OC90: variants seen among roughly 807,000 people sequenced by gnomAD.
The protein encoded by OC90 is otoconin 90, also known as otoconin-90.
In OC90, 46 loss-of-function variants were observed where a neutral mutation model predicts 47.3. The observed-to-expected ratio is 0.97, with a 90% CI of 0.77 to 1.24. The LOEUF (loss-of-function observed/expected upper bound fraction) is 1.24, where lower values mean the gene tolerates loss of function less well. Ranked by LOEUF, OC90 falls within the 50% of genes most tolerant of loss-of-function variation. The probability of loss-of-function intolerance (pLI) is 0.00; values close to 1 mark genes in which losing one functional copy is unlikely to be tolerated. For synonymous variants in OC90, 271 were observed against 219.5 expected, an observed-to-expected ratio of 1.23 and a Z score of -2.07; for missense variants, 688 against 583.9, an observed-to-expected ratio of 1.18 and a Z score of -1.84.
intron 2 of OC90, among the ~76,000 whole-genome samples, chr8:132,052,436 C>A (rs1195593009): frequency 6.6e-6 from 1 of 152,210 alleles, no homozygotes; most frequent in Non-Finnish European, 1.5e-5. Context: ...ACTATTACTG[C>A]ACTCTATTCC....
chr8:132,034,954 G>T, intron 9 of OC90, 120 bp from the exon 10 acceptor site: 1 of 667,616 alleles, frequency 1.5e-6, no homozygotes, highest in Non-Finnish European at 2.6e-6. Context: ...TCTGCCCCTG[G>T]CCCACTTCCC....
chr8:132,057,910 C>G (rs1165128640), intron 1 of OC90, among the ~76,000 whole-genome samples: 1 of 152,228 alleles, frequency 6.6e-6, no homozygotes, highest in Non-Finnish European at 1.5e-5. Context: ...AATGACCAGA[C>G]CCAGGTGGGC....
Position 132,029,068 on chromosome 8 carries a change from CTT to C in OC90, c.1138+3_1138+4del. The stretch of plus-strand genomic sequence containing the variant: ...ATAACTCAATGTGCAACCAACAGCA[CTT>C]ACACTTGGGCGTATGATCCACACAC... On this transcript the variant is annotated splice_donor_region_variant and intron_variant, in intron 13 of 13. Coordinates refer to ENST00000254627, the MANE Select transcript of OC90 (RefSeq NM_001080399.3). 6.2e-7 allele frequency: 1 copy of C among 1,604,724 alleles called. No homozygotes were observed. Among genetic ancestry groups the C allele is most frequent in the Non-Finnish European group, 8.5e-7 (1 of 1,171,436 alleles).
intron 2 of OC90, among the ~76,000 whole-genome samples, chr8:132,050,984 A>G (rs1236936511): frequency 6.6e-6 from 1 of 152,144 alleles, no homozygotes; most frequent in African/African-American, 2.4e-5. Context: ...ACAAGAATGA[A>G]ACTCTGTCTC....
chr8:132,053,486 C>G (rs1823244033), intron 2 of OC90, among the ~76,000 whole-genome samples: 2 of 152,196 alleles, frequency 1.3e-5, no homozygotes, highest in African/African-American at 4.8e-5. Flanking sequence ...CTTAGTCTCA[C>G]AAACTTGAAG....
At chr8:132,025,912 G>A (rs981730714) in intron 13 of OC90, among the ~76,000 whole-genome samples, 85 of 152,324 alleles carry the variant, frequency 5.6e-4, no homozygotes, top group African/African-American at 1.7e-3. Flanking sequence ...TCCCAAGTTA[G>A]TGCTAAGGAA....
At position 132,039,095 on chromosome 8, in the gene OC90, C is replaced by G. The variant is rs1224622240; in HGVS notation, c.486G>C (p.Leu162=). 1 of 1,612,262 alleles carries G rather than the reference C, an allele frequency of 6.2e-7. No homozygotes were observed. The highest frequency in any genetic ancestry group is 8.5e-7 in the Non-Finnish European group (1 of 1,179,254). ...CTATGGCAGCCTTATCACAGGTACA[C>G]AGCAGGTGCTCACAGTTGTCCTTGG... ...CESKDNCEHL[L]CTCDKAAIEC... The change falls in exon 7 of 14, where the codon CTG becomes CTC. Residue 162 remains leucine, a synonymous_variant. Transcript: ENST00000254627.
chr8:132,036,949 AATCTC>A (rs1308947618), intron 9 of OC90, among the ~76,000 whole-genome samples: 1 of 152,212 alleles, frequency 6.6e-6, no homozygotes, highest in Non-Finnish European at 1.5e-5. Flanking sequence ...ACTGATCTAG[AATCTC>A]CCCATGCTTG....
intron 8 of OC90, 88 bp from the exon 9 acceptor site, chr8:132,037,576 G>C: frequency 8.6e-7 from 1 of 1,169,322 alleles, no homozygotes; most frequent in Admixed American, 2.0e-5. Context: ...CAGGCTGGTT[G>C]CTGGCCCAAG....
In OC90 at chr8:132,053,250, T is replaced by C. The variant is rs147756318; in HGVS notation, c.46+1731A>G. The stretch of plus-strand genomic sequence containing the variant: ...TTCTCTCATTGCACCTGTCACCCCA[T>C]GTTGCAATGATCTGTTTATGTAACC... On this transcript the variant is annotated intron_variant, in intron 2 of 13. Transcript: ENST00000254627. Among the ~76,000 whole-genome samples the C allele has an allele frequency of 1.4e-3, 218 of 152,302 alleles. 4 individuals carry two copies. In the East Asian group the frequency reaches 0.039, roughly 27 times the overall value.
chr8:132,055,036 A>T lies in OC90; in HGVS notation c.-10T>A. 2 of 1,550,938 alleles carry T rather than the reference A, an allele frequency of 1.3e-6. No homozygotes were observed. The highest frequency in any genetic ancestry group is 1.7e-6 in the Non-Finnish European group (2 of 1,146,692). On this transcript the variant is annotated 5_prime_UTR_variant, in exon 2 of 14. Coordinates refer to ENST00000254627, the MANE Select transcript of OC90 (RefSeq NM_001080399.3). Reference sequence around the variant, plus strand: ...GGAGAAACGCAATCATAGCAGGAGAACAAAGGATGGGGCTTAGGCAGCAAC... The same window carrying T: ...GGAGAAACGCAATCATAGCAGGAGATCAAAGGATGGGGCTTAGGCAGCAAC...
chr8:132,040,205 G>A (rs1413878634), intron 6 of OC90, among the ~76,000 whole-genome samples: 1 of 152,198 alleles, frequency 6.6e-6, no homozygotes, highest in East Asian at 1.9e-4. Flanking sequence ...ATAGACTTGA[G>A]TGTTAAGTCA....
intron 10 of OC90, among the ~76,000 whole-genome samples, chr8:132,034,045 T>C (rs1207148311): frequency 2.0e-5 from 3 of 152,216 alleles, no homozygotes; most frequent in Non-Finnish European, 4.4e-5. Flanking sequence ...AATCTCAGTC[T>C]CCTAGGTTTA....
At chr8:132,057,970 T>C (rs994570383) in intron 1 of OC90, among the ~76,000 whole-genome samples, 1 of 152,206 alleles carries the variant, frequency 6.6e-6, no homozygotes, top group African/African-American at 2.4e-5. Context: ...GGCCGGTCCT[T>C]TGAGACAAAC....
chr8:132,047,188 C>T (rs778060015), intron 2 of OC90, among the ~76,000 whole-genome samples: 5 of 152,304 alleles, frequency 3.3e-5, no homozygotes, highest in Non-Finnish European at 2.9e-5. Context: ...GGAATAACAA[C>T]AGTGGGTGCT....
chr8:132,035,550 T>G (rs1822946333), intron 9 of OC90, among the ~76,000 whole-genome samples: 2 of 152,202 alleles, frequency 1.3e-5, no homozygotes, highest in Non-Finnish European at 2.9e-5. Flanking sequence ...AGATGGTGAC[T>G]ACTAAGTTCT....
At chr8:132,032,675 C>A (rs1227256442) in intron 11 of OC90, among the ~76,000 whole-genome samples, 2 of 152,198 alleles carry the variant, frequency 1.3e-5, no homozygotes, top group Non-Finnish European at 2.9e-5. Flanking sequence ...TTTAAGGCAT[C>A]AGAGGGAGGA....
intron 8 of OC90, among the ~76,000 whole-genome samples, chr8:132,038,528 G>A (rs1213134271): frequency 1.3e-5 from 2 of 152,204 alleles, no homozygotes; most frequent in Admixed American, 1.3e-4. Context: ...ATGAACTTGG[G>A]TTCTACATCC....
chr8:132,054,145 G>A (rs1190714960), intron 2 of OC90, among the ~76,000 whole-genome samples: 1 of 152,162 alleles, frequency 6.6e-6, no homozygotes. Flanking sequence ...TTTGCACAGA[G>A]GCCTCGTCCC....
Sources: gnomAD v4.1 joint callset for allele counts (sites outside exome capture counted in the v4.1 genomes callset) on GRCh38, gnomAD v4.1.1 for gene constraint, MANE v1.5 for transcripts, NCBI Gene and HGNC (gene_info 2026-07-23, HGNC 2026-07-21) for gene names.